The following ADAM9 variants were observed in gnomAD, a reference collection of about 807,000 sequenced individuals.
ADAM9 encodes disintegrin and metalloproteinase domain-containing protein 9.
ADAM9 carries 54 observed loss-of-function variants against 108.1 expected under a neutral mutation model. That is an observed-to-expected ratio of 0.50 (90% CI 0.40 to 0.63). The LOEUF (loss-of-function observed/expected upper bound fraction) is 0.63, where lower values mean the gene tolerates loss of function less well. Among genes scored for constraint, ADAM9 ranks in the 20% least tolerant of loss-of-function variants. ADAM9 has a pLI of 0.00. For synonymous variants in ADAM9, 316 were observed against 336.0 expected (o/e 0.94, Z 0.65); for missense variants, 830 against 997.7 (o/e 0.83, Z 2.26).
intron 16 of ADAM9, among the ~76,000 whole-genome samples, chr8:39,082,393 G>A (rs975127991): frequency 2.6e-5 from 4 of 152,072 alleles, no homozygotes; most frequent in African/African-American, 4.8e-5. Flanking sequence ...TGGAAGGATA[G>A]ATAATAGTTT....
intron 1 of ADAM9, 58 bp from the exon 2 acceptor site, chr8:39,007,828 G>A (rs1280213880): frequency 2.0e-5 from 23 of 1,156,790 alleles, no homozygotes; most frequent in Non-Finnish European, 3.0e-5. Context: ...TCATTATATT[G>A]TGTTCCCACG....
intron 8 of ADAM9, among the ~76,000 whole-genome samples, chr8:39,021,945 C>T (rs1014134899): frequency 6.6e-6 from 1 of 152,150 alleles, no homozygotes; most frequent in African/African-American, 2.4e-5. Flanking sequence ...TCTACTTTAT[C>T]TTCAGAGTTG....
intron 11 of ADAM9, among the ~76,000 whole-genome samples, chr8:39,033,927 T>C (rs2129435269): frequency 6.6e-6 from 1 of 152,358 alleles, no homozygotes; most frequent in Non-Finnish European, 1.5e-5. Flanking sequence ...TTACACATTG[T>C]ATGAATGGAT....
At chr8:39,034,772 A>G (rs761428913) in intron 11 of ADAM9, among the ~76,000 whole-genome samples, 4 of 150,422 alleles carry the variant, frequency 2.7e-5, no homozygotes, top group Non-Finnish European at 5.9e-5. Context: ...GAATCTGTCT[A>G]TTTACCTATG....
At chr8:39,059,374 G>A (rs1340617029) in intron 14 of ADAM9, among the ~76,000 whole-genome samples, 1 of 152,008 alleles carries the variant, frequency 6.6e-6, no homozygotes, top group African/African-American at 2.4e-5. Context: ...TCATACTGGG[G>A]ACTCAGGATT....
At chr8:39,066,115 T>A (rs147972175) in intron 14 of ADAM9, among the ~76,000 whole-genome samples, 1 of 152,180 alleles carries the variant, frequency 6.6e-6, no homozygotes, top group Non-Finnish European at 1.5e-5. Flanking sequence ...TATTCCATGG[T>A]GTCTATGTGC....
Position 39,021,662 on chromosome 8 carries a change from A to G in ADAM9, c.692A>G (p.Asn231Ser). 6.2e-7 allele frequency: 1 copy of G among 1,614,062 alleles called. No individual in the cohort carries two copies. Among genetic ancestry groups the G allele is most frequent in the Non-Finnish European group, 8.5e-7 (1 of 1,179,902 alleles). The change falls in exon 8 of 22, where the codon AAT becomes AGT. Residue 231 changes from asparagine to serine, a missense_variant. By Grantham distance (46) the Asn-to-Ser change is conservative. Transcript: ENST00000487273. ...DKERYDMMGRNQTAVREEMIL... is the reference protein window; with the variant it reads ...DKERYDMMGRSQTAVREEMIL... ...TTCCAGTATGACATGATGGGAAGAA[A>G]TCAGACTGCTGTGAGAGAAGAGATG...
At chr8:39,045,094 A>ATGTATGTGTATG (rs1564297151) in intron 12 of ADAM9, among the ~76,000 whole-genome samples, 1 of 23,604 alleles carries the variant, frequency 4.2e-5, no homozygotes, top group East Asian at 3.0e-3. Flanking sequence ...ATACATACAT[A>ATGTATGTGTATG]TGTGTGTGTG....
At chr8:39,022,004 C>T (rs1040479191) in intron 8 of ADAM9, among the ~76,000 whole-genome samples, 4 of 151,196 alleles carry the variant, frequency 2.6e-5, no homozygotes, top group Non-Finnish European at 4.4e-5. Context: ...GAATTTTTGT[C>T]GAATGCATCT....
intron 20 of ADAM9, among the ~76,000 whole-genome samples, chr8:39,093,802 C>T (rs1839421981): frequency 6.6e-6 from 1 of 152,210 alleles, no homozygotes; most frequent in Non-Finnish European, 1.5e-5. Context: ...TAGAGTCTCG[C>T]TCTGTCACCC....
chr8:39,045,269 T>C (rs1306883220), intron 12 of ADAM9, among the ~76,000 whole-genome samples: 3 of 146,688 alleles, frequency 2.0e-5, no homozygotes, highest in East Asian at 2.0e-4. Context: ...TATATGTGTA[T>C]ACATACATAT....
chr8:39,102,900 T>C (rs534142053), intron 21 of ADAM9, among the ~76,000 whole-genome samples: 1 of 152,368 alleles, frequency 6.6e-6, no homozygotes, highest in East Asian at 1.9e-4. Context: ...TGCAAATGCA[T>C]GTGACCCTCC....
chr8:39,039,234 A>G (rs890602518), intron 11 of ADAM9, among the ~76,000 whole-genome samples: 2 of 152,226 alleles, frequency 1.3e-5, no homozygotes, highest in African/African-American at 4.8e-5. Context: ...AAACTGATGA[A>G]AAGAGATTCA....
chr8:38,997,236 C>T, intron 1 of ADAM9, 76 bp downstream of exon 1: 1 of 1,491,040 alleles, frequency 6.7e-7, no homozygotes, highest in Non-Finnish European at 9.1e-7. Context: ...CCTGTGGTGC[C>T]TGGGAGTGGA....
At chr8:39,017,483 A>T in intron 6 of ADAM9, 69 bp downstream of exon 6, 1 of 1,485,854 alleles carries the variant, frequency 6.7e-7, no homozygotes. Context: ...TTATTCATGA[A>T]ATCAATACTA....
intron 21 of ADAM9, among the ~76,000 whole-genome samples, chr8:39,102,337 G>A (rs1450116400): frequency 6.6e-6 from 1 of 152,204 alleles, no homozygotes; most frequent in African/African-American, 2.4e-5. Flanking sequence ...TGGGGGTAAG[G>A]TCAGGAGAGG....
At chr8:39,044,661 A>G (rs887184171) in intron 12 of ADAM9, among the ~76,000 whole-genome samples, 2 of 151,892 alleles carry the variant, frequency 1.3e-5, no homozygotes. Context: ...CCCAGTGTCC[A>G]TCACCTCCAT....
At chr8:39,065,435 A>C (rs1838430637) in intron 14 of ADAM9, among the ~76,000 whole-genome samples, 1 of 151,752 alleles carries the variant, frequency 6.6e-6, no homozygotes, top group African/African-American at 2.4e-5. Flanking sequence ...TGGGCGGATC[A>C]CAAGGTCAGG....
At chr8:39,089,719 G>GA in intron 18 of ADAM9, 1 of 345,018 alleles carries the variant, frequency 2.9e-6, no homozygotes, top group Non-Finnish European at 5.6e-6. Flanking sequence ...CAGATAAGTG[G>GA]AAAAAAACTG....
Sources: gnomAD v4.1 joint callset for allele counts (sites outside exome capture counted in the v4.1 genomes callset) on GRCh38, gnomAD v4.1.1 for gene constraint, MANE v1.5 for transcripts, NCBI Gene and HGNC (gene_info 2026-07-23, HGNC 2026-07-21) for gene names.